Variants in LINGO2 observed in about 807,000 individuals in gnomAD.
LINGO2 encodes the protein leucine rich repeat and Ig domain containing 2.
Under a neutral mutation model 30.6 loss-of-function variants are expected in LINGO2, and 14 were observed. The observed-to-expected ratio is 0.46, with a 90% CI of 0.30 to 0.72. The LOEUF (loss-of-function observed/expected upper bound fraction) is 0.72. Ranked by LOEUF, LINGO2 falls within the 30% of genes least tolerant of loss-of-function variation. The pLI, the probability that LINGO2 is intolerant of heterozygous loss-of-function variation, is 0.07. For missense variants in LINGO2, 729 were observed against 751.7 expected (o/e 0.97, Z 0.35); for synonymous variants, 317 against 288.5 (o/e 1.10, Z -1.00).
intron 1 of LINGO2, among the ~76,000 whole-genome samples, chr9:28,526,238 C>T (rs1009331516): frequency 1.3e-5 from 2 of 151,992 alleles, no homozygotes; most frequent in Admixed American, 6.6e-5. Context: ...CATCAAGACA[C>T]GTCCTAATAA....
At chr9:27,995,318 C>T (rs1305142173) in intron 5 of LINGO2, among the ~76,000 whole-genome samples, 2 of 152,060 alleles carry the variant, frequency 1.3e-5, no homozygotes, top group African/African-American at 4.8e-5. Flanking sequence ...TATTTAAAGA[C>T]CTAATACTAA....
chr9:28,055,327 G>C (rs1166160728), intron 4 of LINGO2, among the ~76,000 whole-genome samples: 1 of 152,106 alleles, frequency 6.6e-6, no homozygotes, highest in African/African-American at 2.4e-5. Context: ...GATAGAACAG[G>C]TACAGGTGGA....
chr9:29,136,742 A>G, the LINGO2 span, among the ~76,000 whole-genome samples: 1 of 152,116 alleles, frequency 6.6e-6, no homozygotes, highest in East Asian at 1.9e-4. Context: ...ATACTAATGC[A>G]TAATATAGTC....
At chr9:28,383,105 T>G (rs1821418952) in intron 2 of LINGO2, among the ~76,000 whole-genome samples, 3 of 152,152 alleles carry the variant, frequency 2.0e-5, no homozygotes, top group Admixed American at 1.3e-4. Context: ...ACTTAAAATT[T>G]TTTCATGTAT....
intron 1 of LINGO2, among the ~76,000 whole-genome samples, chr9:28,514,528 C>T (rs1251026576): frequency 6.6e-6 from 1 of 152,180 alleles, no homozygotes; most frequent in African/African-American, 2.4e-5. Context: ...ATAGATCAAA[C>T]CAGCTACAAC....
At chr9:29,172,667 CAG>C in the LINGO2 span, among the ~76,000 whole-genome samples, 22 of 151,686 alleles carry the variant, frequency 1.5e-4, 1 homozygote, top group South Asian at 4.1e-4. Flanking sequence ...AATTTAATGA[CAG>C]AGAACATATA....
the LINGO2 span, among the ~76,000 whole-genome samples, chr9:28,688,331 C>A: frequency 6.6e-6 from 1 of 152,174 alleles, no homozygotes. Flanking sequence ...GCTCACTGAG[C>A]CAAGAACAAG....
At chr9:29,105,181 T>C in the LINGO2 span, among the ~76,000 whole-genome samples, 1 of 152,086 alleles carries the variant, frequency 6.6e-6, no homozygotes, top group Non-Finnish European at 1.5e-5. Flanking sequence ...ATGGACTAAG[T>C]AAGAGGAGAT....
At chr9:28,663,054 T>A (rs778643007) in intron 1 of LINGO2, among the ~76,000 whole-genome samples, 1 of 152,122 alleles carries the variant, frequency 6.6e-6, no homozygotes, top group Non-Finnish European at 1.5e-5. Context: ...TGGAAATAAA[T>A]ATAGATTAGG....
chr9:28,053,964 TTA>T (rs1824797916), intron 4 of LINGO2, among the ~76,000 whole-genome samples: 1 of 152,078 alleles, frequency 6.6e-6, no homozygotes, highest in African/African-American at 2.4e-5. Flanking sequence ...AGGCCAAGTA[TTA>T]TATAGTCTGT....
chr9:29,079,628 G>C, the LINGO2 span, among the ~76,000 whole-genome samples: 4 of 144,114 alleles, frequency 2.8e-5, no homozygotes, highest in Admixed American at 6.9e-5. Flanking sequence ...ATATAATCTA[G>C]GTTAAAGAAA....
intron 2 of LINGO2, among the ~76,000 whole-genome samples, chr9:28,451,465 A>G (rs1824644277): frequency 6.6e-6 from 1 of 151,870 alleles, no homozygotes; most frequent in Non-Finnish European, 1.5e-5. Context: ...GATTCAATAA[A>G]ACAACTGAAG....
chr9:28,480,826 T>C (rs931880771), intron 1 of LINGO2, among the ~76,000 whole-genome samples: 1 of 152,128 alleles, frequency 6.6e-6, no homozygotes, highest in African/African-American at 2.4e-5. Flanking sequence ...TATAACTTTA[T>C]AGAGGGTTAA....
intron 4 of LINGO2, among the ~76,000 whole-genome samples, chr9:28,042,929 T>C (rs1252803778): frequency 2.0e-5 from 3 of 152,188 alleles, no homozygotes; most frequent in Non-Finnish European, 4.4e-5. Flanking sequence ...CCTAGTTCAG[T>C]AGCACCGTGA....
At chr9:28,966,196 C>G in the LINGO2 span, among the ~76,000 whole-genome samples, 10 of 152,026 alleles carry the variant, frequency 6.6e-5, no homozygotes, top group Non-Finnish European at 1.5e-4. Context: ...AATTAAGAGG[C>G]TGAAAAAACT....
the LINGO2 span, among the ~76,000 whole-genome samples, chr9:29,114,480 A>G: frequency 0.24 from 35,387 of 149,666 alleles, 4,365 homozygotes; most frequent in East Asian, 0.41. Context: ...GTATACATGT[A>G]CCATGTTGGT....
the LINGO2 span, among the ~76,000 whole-genome samples, chr9:28,895,499 C>A: frequency 6.6e-6 from 1 of 152,142 alleles, no homozygotes; most frequent in African/African-American, 2.4e-5. Context: ...TGTTATTAAT[C>A]TTTATAGCCA....
the LINGO2 span, among the ~76,000 whole-genome samples, chr9:29,161,334 C>T: frequency 6.6e-6 from 1 of 152,196 alleles, no homozygotes; most frequent in African/African-American, 2.4e-5. Context: ...TCAGCTATCA[C>T]CCATCCACCC....
intron 4 of LINGO2, among the ~76,000 whole-genome samples, chr9:28,192,911 T>G (rs867160864): frequency 1.6e-4 from 25 of 152,108 alleles, no homozygotes; most frequent in African/African-American, 6.0e-4. Flanking sequence ...GGGCACAAGA[T>G]AAAATAATTT....
Sources: allele counts gnomAD v4.1 joint callset (sites outside exome capture counted in the v4.1 genomes callset), GRCh38; gene constraint gnomAD v4.1.1; transcripts MANE v1.5; gene names NCBI Gene and HGNC (gene_info 2026-07-23, HGNC 2026-07-21).